Variants in PLCZ1 observed in about 807,000 individuals in gnomAD.
The protein encoded by PLCZ1 is 1-phosphatidylinositol 4,5-bisphosphate phosphodiesterase zeta-1.
PLCZ1 carries 64 observed loss-of-function variants against 76.8 expected under a neutral mutation model. The ratio of observed to expected loss-of-function variants is 0.83; its 90% CI spans 0.68 to 1.03. The LOEUF (loss-of-function observed/expected upper bound fraction) is 1.03, where lower values mean the gene tolerates loss of function less well. PLCZ1 is among the 50% of genes least tolerant of loss of function. The probability of loss-of-function intolerance (pLI) is 0.00; values close to 1 mark genes in which losing one functional copy is unlikely to be tolerated. For missense variants in PLCZ1, 751 were observed against 713.7 expected, an observed-to-expected ratio of 1.05 and a Z score of -0.60; for synonymous variants, 248 against 230.8, an observed-to-expected ratio of 1.07 and a Z score of -0.68.
At chr12:18,735,163 G>A (rs1190194622) in intron 3 of PLCZ1, among the ~76,000 whole-genome samples, 3 of 152,080 alleles carry the variant, frequency 2.0e-5, no homozygotes, top group African/African-American at 7.2e-5. Flanking sequence ...CTATTATTTT[G>A]TTGGGGAATT....
At chr12:18,664,368 A>C in the PLCZ1 span, among the ~76,000 whole-genome samples, 1 of 152,238 alleles carries the variant, frequency 6.6e-6, no homozygotes, top group Non-Finnish European at 1.5e-5. Context: ...GGAGTAACCC[A>C]AATATCCATT....
At chr12:18,701,923 C>T in intron 7 of PLCZ1, 147 bp from the exon 8 acceptor site, 1 of 1,178,244 alleles carries the variant, frequency 8.5e-7, no homozygotes, top group Non-Finnish European at 1.2e-6. Context: ...CCCCTATTCA[C>T]ATCTCAGTAG....
intron 13 of PLCZ1, among the ~76,000 whole-genome samples, chr12:18,686,509 C>CT (rs2137067722): frequency 6.6e-6 from 1 of 151,354 alleles, no homozygotes; most frequent in East Asian, 1.9e-4. Flanking sequence ...TATTTTAGGA[C>CT]TTGTGTTCTG....
intron 9 of PLCZ1, 74 bp downstream of exon 9, chr12:18,701,427 T>C: frequency 6.2e-7 from 1 of 1,603,944 alleles, no homozygotes; most frequent in Non-Finnish European, 8.5e-7. Flanking sequence ...CTCCAGAATT[T>C]TAAAAAAATC....
chr12:18,717,248 A>G (rs920665236), intron 5 of PLCZ1, among the ~76,000 whole-genome samples: 3 of 152,156 alleles, frequency 2.0e-5, no homozygotes, highest in African/African-American at 7.2e-5. Flanking sequence ...AAAAAATTAA[A>G]ATAACAAAAA....
intron 5 of PLCZ1, among the ~76,000 whole-genome samples, chr12:18,713,390 CCT>C (rs907535583): frequency 1.3e-5 from 2 of 152,030 alleles, no homozygotes; most frequent in Non-Finnish European, 2.9e-5. Context: ...TGTTCAAAGC[CCT>C]CTCAGAATAG....
rs1402805706 is a variant in PLCZ1 at position 18,683,206 on chromosome 12, C to T, written c.*33G>A. The T allele has an allele frequency of 4.5e-6, 7 of 1,570,148 alleles. No individual in the cohort carries two copies. On this transcript the variant is annotated 3_prime_UTR_variant, in exon 15 of 15. Transcript: ENST00000266505. ...TCATTTTGGCTGTTTTATTGCGATG[C>T]ATAGCTAATGATATGTCATTTATCA...
downstream of PLCZ1, among the ~76,000 whole-genome samples, chr12:18,680,869 A>G (rs1362752427): frequency 6.6e-6 from 1 of 152,092 alleles, no homozygotes; most frequent in Non-Finnish European, 1.5e-5. Context: ...CGTCAAGAAC[A>G]GGGGTCAATT....
intron 12 of PLCZ1, chr12:18,694,163 T>TG: frequency 1.4e-6 from 1 of 707,614 alleles, no homozygotes; most frequent in Non-Finnish European, 2.4e-6. Context: ...GGGATGAGGC[T>TG]GGGGGAGTTG....
intron 12 of PLCZ1, chr12:18,693,623 T>C (rs985736621): frequency 7.0e-6 from 11 of 1,568,236 alleles, no homozygotes; most frequent in Non-Finnish European, 9.7e-6. Context: ...GTCCATTGTG[T>C]TTATTGATGA....
rs1954958293 is a variant in PLCZ1, at chr12:18,696,207, T to C, written c.1234A>G (p.Arg412Gly). ...GGATTAAAATTAGAAGAGTCTGCTC[T>C]TGTTGCTTTGGGATATATTCTGGTA... ...FITRIYPKAT[R>G]ADSSNFNPQE... The change falls in exon 11 of 15, where the codon AGA becomes GGA. Residue 412 changes from arginine to glycine, a missense_variant. By Grantham distance (125) the Arg-to-Gly change is moderately radical. Transcript: ENST00000266505. 2 of 1,602,112 alleles carry C rather than the reference T, an allele frequency of 1.2e-6. No homozygotes were observed. Among genetic ancestry groups the C allele is most frequent in the East Asian group, 4.5e-5 (2 of 44,584 alleles).
intron 4 of PLCZ1, 97 bp from the exon 5 acceptor site, chr12:18,719,729 C>G: frequency 3.9e-6 from 3 of 767,430 alleles, no homozygotes; most frequent in Non-Finnish European, 6.0e-6. Flanking sequence ...AGTAGTAGAG[C>G]ATATTTCTAA....
the PLCZ1 span, among the ~76,000 whole-genome samples, chr12:18,672,895 C>T: frequency 6.6e-6 from 1 of 152,106 alleles, no homozygotes; most frequent in Non-Finnish European, 1.5e-5. Context: ...GGTAGGTCTG[C>T]TGAAGGAGCT....
intron 6 of PLCZ1, among the ~76,000 whole-genome samples, chr12:18,706,304 T>C (rs970200852): frequency 6.6e-6 from 1 of 151,222 alleles, no homozygotes; most frequent in Admixed American, 6.6e-5. Context: ...ATCTACGGGT[T>C]TATGAAGAAA....
intron 6 of PLCZ1, among the ~76,000 whole-genome samples, chr12:18,707,481 T>C (rs945993888): frequency 3.3e-5 from 5 of 152,280 alleles, no homozygotes; most frequent in Admixed American, 3.3e-4. Context: ...CCTGGCCACA[T>C]TGAAAGTGGA....
intron 6 of PLCZ1, among the ~76,000 whole-genome samples, chr12:18,711,482 T>C (rs919857359): frequency 6.6e-6 from 1 of 150,504 alleles, no homozygotes; most frequent in African/African-American, 2.4e-5. Flanking sequence ...CATGTATCCA[T>C]ATGTAACAAA....
chr12:18,685,654 T>G, intron 13 of PLCZ1: 1 of 516,918 alleles, frequency 1.9e-6, no homozygotes, highest in Non-Finnish European at 3.9e-6. Flanking sequence ...CCATATTACC[T>G]TGACCTAAGA....
chr12:18,709,333 T>A, intron 6 of PLCZ1, among the ~76,000 whole-genome samples: 1 of 152,146 alleles, frequency 6.6e-6, no homozygotes, highest in East Asian at 1.9e-4. Context: ...CATATATGCT[T>A]AGGTTGATCT....
the PLCZ1 span, among the ~76,000 whole-genome samples, chr12:18,670,951 G>A: frequency 2.0e-5 from 3 of 152,148 alleles, no homozygotes; most frequent in Admixed American, 6.5e-5. Context: ...GGGAGGCTGA[G>A]GCAGGCAGAT....
Sources: gnomAD v4.1 joint callset for allele counts (sites outside exome capture counted in the v4.1 genomes callset) on GRCh38, gnomAD v4.1.1 for gene constraint, MANE v1.5 for transcripts, NCBI Gene and HGNC (gene_info 2026-07-23, HGNC 2026-07-21) for gene names.